The following PPP1R37 variants were observed in gnomAD, a reference collection of about 807,000 sequenced individuals.
PPP1R37 encodes the protein leucine rich repeat containing 68.
PPP1R37 carries 21 observed loss-of-function variants against 61.0 expected under a neutral mutation model. That is an observed-to-expected ratio of 0.34 (90% CI 0.24 to 0.50). PPP1R37 has a LOEUF of 0.50. Among genes scored for constraint, PPP1R37 ranks in the 20% least tolerant of loss-of-function variants. The pLI is 0.98. For missense variants in PPP1R37, 910 were observed against 952.7 expected, an observed-to-expected ratio of 0.96 and a Z score of 0.59; for synonymous variants, 443 against 433.5, an observed-to-expected ratio of 1.02 and a Z score of -0.27.
At chr19:45,096,424 C>G (rs932931059) in intron 1 of PPP1R37, among the ~76,000 whole-genome samples, 1 of 152,158 alleles carries the variant, frequency 6.6e-6, no homozygotes. Flanking sequence ...GCCTCTGTTT[C>G]TTTCTCTGCA....
intron 1 of PPP1R37, among the ~76,000 whole-genome samples, chr19:45,131,515 T>C (rs1968476799): frequency 1.3e-5 from 2 of 152,194 alleles, no homozygotes; most frequent in African/African-American, 2.4e-5. Flanking sequence ...TTCTCCCAGA[T>C]TGCTTCCCTG....
intron 2 of PPP1R37, among the ~76,000 whole-genome samples, chr19:45,139,445 G>T (rs557682078): frequency 6.6e-6 from 1 of 152,286 alleles, no homozygotes; most frequent in East Asian, 1.9e-4. Context: ...CTCCCACCCT[G>T]CCGGTCCCCC....
chr19:45,143,875 G>T (rs1968647541), intron 8 of PPP1R37: 2 of 351,874 alleles, frequency 5.7e-6, no homozygotes, highest in Admixed American at 4.6e-5. Flanking sequence ...CTGTCACCCA[G>T]GCTGGAGTGC....
At position 45,121,376 on chromosome 19, in the gene PPP1R37, C is replaced by T. The variant is rs771297348; in HGVS notation, c.203-17138C>T. 7.2e-5 allele frequency among the ~76,000 whole-genome samples: 11 copies of T among 152,234 alleles called. No homozygotes were observed. Among genetic ancestry groups the T allele is most frequent in the Admixed American group, 7.2e-4 (11 of 15,288 alleles). On this transcript the variant is annotated intron_variant, in intron 1 of 12. Transcript: ENST00000221462. This position sits in a 1 kb window ranked among gnomAD's most constrained non-coding sequence, Gnocchi z 4.2. ...CAGTGCATGTGTCAGCCATGGCCCT[C>T]GGCTGTAAGCCCAGAAACAGACCCC...
intron 1 of PPP1R37, among the ~76,000 whole-genome samples, chr19:45,117,640 A>G (rs1323508367): frequency 6.6e-6 from 1 of 152,066 alleles, no homozygotes; most frequent in Non-Finnish European, 1.5e-5. Context: ...CTGTGTGCCT[A>G]CCATGGGCAT....
intron 1 of PPP1R37, among the ~76,000 whole-genome samples, chr19:45,119,911 TG>T (rs1239351274): frequency 5.3e-5 from 8 of 152,096 alleles, no homozygotes. Flanking sequence ...GAGAAGGGCC[TG>T]GGGTCCCTCT....
chr19:45,138,398 T>G, intron 1 of PPP1R37, 116 bp from the exon 2 acceptor site: 2 of 681,092 alleles, frequency 2.9e-6, no homozygotes, highest in Non-Finnish European at 5.0e-6. Context: ...CAGCCTGTTG[T>G]TGGGGGAGGG....
intron 1 of PPP1R37, among the ~76,000 whole-genome samples, chr19:45,106,091 T>G (rs1968126311): frequency 6.6e-6 from 1 of 152,038 alleles, no homozygotes; most frequent in Non-Finnish European, 1.5e-5. Context: ...TCCAGTGCAG[T>G]CAAAAGAATC....
At chr19:45,119,591 C>A (rs548662923) in intron 1 of PPP1R37, among the ~76,000 whole-genome samples, 1 of 152,360 alleles carries the variant, frequency 6.6e-6, no homozygotes, top group Admixed American at 6.5e-5. Flanking sequence ...ATGCCACTCT[C>A]ACCTGCATTA....
intron 1 of PPP1R37, among the ~76,000 whole-genome samples, chr19:45,127,665 G>A (rs992033561): frequency 6.6e-6 from 1 of 152,122 alleles, no homozygotes; most frequent in Non-Finnish European, 1.5e-5. Context: ...GGTGGACAGA[G>A]ATTCAACATA....
Position 45,145,380 on chromosome 19 carries a change from G to A in PPP1R37, c.1324G>A (p.Ala442Thr). The change falls in exon 11 of 13, where the codon GCG becomes ACG. Residue 442 changes from alanine to threonine, a missense_variant. Physicochemically the swap from Ala to Thr is moderately conservative, Grantham distance 58. Coordinates refer to ENST00000221462, the MANE Select transcript of PPP1R37 (RefSeq NM_019121.2). ...AVKSFIETQK[A>T]LLAEIQNGCK... ...GAAGAGCTTCATCGAGACGCAGAAG[G>A]CGCTGCTGGCCGAGATCCAGAACGG... The A allele has an allele frequency of 6.5e-7, 1 of 1,535,334 alleles. No homozygotes were observed. Among genetic ancestry groups the A allele is most frequent in the Non-Finnish European group, 8.7e-7 (1 of 1,146,570 alleles).
chr19:45,116,081 C>T lies in PPP1R37; in HGVS notation c.203-22433C>T, dbSNP rs1490589306. On this transcript the variant is annotated intron_variant, in intron 1 of 12. Transcript: ENST00000221462. The stretch of plus-strand genomic sequence containing the variant: ...GCCTTGACTTCCGCTTTCATCCAAG[C>T]CTGCCATTGACCTTACATGCAGCTG... Among the ~76,000 whole-genome samples the T allele has an allele frequency of 2.0e-5, 3 of 152,274 alleles. No individual in the cohort carries two copies. The South Asian group carries it at 6.2e-4, about 32-fold the overall frequency.
intron 2 of PPP1R37, 48 bp downstream of exon 2, chr19:45,138,659 G>T (rs1405891818): frequency 7.2e-7 from 1 of 1,396,220 alleles, no homozygotes. Flanking sequence ...GTCAAGGGGG[G>T]CCCTAGGGTG....
chr19:45,119,952 C>T (rs1968318893), intron 1 of PPP1R37, among the ~76,000 whole-genome samples: 1 of 151,788 alleles, frequency 6.6e-6, no homozygotes, highest in Non-Finnish European at 1.5e-5. Context: ...GCTTCACTGG[C>T]TACTCCATCT....
chr19:45,098,810 T>C (rs543650294), intron 1 of PPP1R37, among the ~76,000 whole-genome samples: 4 of 152,204 alleles, frequency 2.6e-5, no homozygotes, highest in African/African-American at 9.6e-5. Flanking sequence ...TGCTTCAGCA[T>C]TCGTGGTGGA....
At chr19:45,146,503 C>T (rs1421769140) in intron 12 of PPP1R37, 23 bp downstream of exon 12, 5 of 1,489,254 alleles carry the variant, frequency 3.4e-6, no homozygotes, top group Non-Finnish European at 4.5e-6. Context: ...CCGGGGCCCA[C>T]AGCACTCGGG....
Position 45,146,567 on chromosome 19 carries a change from C to A in PPP1R37, c.*9-4C>A. ...AGTCTCTCCCCCAATCTCTCCTCCCCAAGTTCCCTTTTTCCGGTCGGTCTG... is the reference window on the plus strand; with the variant it reads ...AGTCTCTCCCCCAATCTCTCCTCCCAAAGTTCCCTTTTTCCGGTCGGTCTG... On this transcript the variant is annotated splice_polypyrimidine_tract_variant and splice_region_variant and intron_variant, in intron 12 of 12. Transcript: ENST00000221462. 3.0e-6 allele frequency: 3 copies of A among 986,392 alleles called. No homozygotes were observed. The highest frequency in any genetic ancestry group is 1.5e-5 in the South Asian group (1 of 68,806). The allele number at this position is 986,392 out of a possible 1,614,324, so 61.1% of individuals were successfully genotyped here. A position where few individuals can be genotyped will look rare whatever the true frequency, so the allele number is the denominator to read the frequency against.
chr19:45,094,813 A>C (rs1383573298), intron 1 of PPP1R37, among the ~76,000 whole-genome samples: 1 of 152,056 alleles, frequency 6.6e-6, no homozygotes, highest in Non-Finnish European at 1.5e-5. Flanking sequence ...GAGATGAAAA[A>C]GTTGGCTACT....
intron 2 of PPP1R37, among the ~76,000 whole-genome samples, chr19:45,139,210 C>T (rs944955423): frequency 2.0e-5 from 3 of 152,180 alleles, no homozygotes; most frequent in African/African-American, 7.2e-5. Context: ...AGCCACCATG[C>T]CCAGCATATT....
Sources: gnomAD v4.1 joint callset for allele counts (sites outside exome capture counted in the v4.1 genomes callset) on GRCh38, gnomAD v4.1.1 for gene constraint, Gnocchi (gnomAD v3.1) non-coding constraint, MANE v1.5 for transcripts, NCBI Gene and HGNC (gene_info 2026-07-23, HGNC 2026-07-21) for gene names.